PPFIA2: variants seen among roughly 807,000 people sequenced by gnomAD.
PPFIA2 encodes the protein liprin-alpha-2.
PPFIA2 carries 46 observed loss-of-function variants against 175.5 expected under a neutral mutation model. The ratio of observed to expected loss-of-function variants is 0.26; its 90% CI spans 0.21 to 0.34. PPFIA2 has a LOEUF of 0.34. Ranked by LOEUF, PPFIA2 falls within the 10% of genes least tolerant of loss-of-function variation. The probability of loss-of-function intolerance (pLI) is 1.00; values close to 1 mark genes in which losing one functional copy is unlikely to be tolerated. For synonymous variants in PPFIA2, 568 were observed against 511.4 expected (o/e 1.11, Z -1.49); for missense variants, 1,179 against 1,506.1 (o/e 0.78, Z 3.60).
intron 3 of PPFIA2, among the ~76,000 whole-genome samples, chr12:81,728,235 G>C (rs745697221): frequency 1.3e-5 from 2 of 151,326 alleles, no homozygotes; most frequent in African/African-American, 4.8e-5. Flanking sequence ...TCTCCACCAA[G>C]TCCAAGAGCA....
At chr12:81,451,219 T>C (rs2145554064) in intron 5 of PPFIA2, among the ~76,000 whole-genome samples, 1 of 152,236 alleles carries the variant, frequency 6.6e-6, no homozygotes, top group Non-Finnish European at 1.5e-5. Flanking sequence ...CTGTTTTCTG[T>C]ACCCTGTTAC....
chr12:81,428,567 A>G (rs1046479752), intron 7 of PPFIA2, among the ~76,000 whole-genome samples: 8 of 152,030 alleles, frequency 5.3e-5, no homozygotes, highest in African/African-American at 1.9e-4. Flanking sequence ...GACAATTTAC[A>G]GTTTATTCAT....
chr12:81,454,802 T>G (rs968598790), intron 5 of PPFIA2, among the ~76,000 whole-genome samples: 21 of 152,100 alleles, frequency 1.4e-4, no homozygotes, highest in Admixed American at 6.6e-5. Flanking sequence ...CTTTGGAAAT[T>G]GGAATGCTCA....
rs1319509959 is a variant in PPFIA2 at position 81,384,094 on chromosome 12, C to A, written c.913G>T (p.Ala305Ser). Reference protein sequence around the residue: ...SSRVGEVEQEAETARKDLIKT... With the variant: ...SSRVGEVEQESETARKDLIKT... Reference sequence around the variant, plus strand: ...ATGAGATCCTTTCTTGCTGTCTCTGCTTCCTGTTCCACCTCTCCCACTCGG... The same window carrying A: ...ATGAGATCCTTTCTTGCTGTCTCTGATTCCTGTTCCACCTCTCCCACTCGG... The change falls in exon 9 of 33, where the codon GCA becomes TCA. Residue 305 changes from alanine to serine, a missense_variant. By Grantham distance (99) the Ala-to-Ser change is moderately conservative. This residue lies in a region of PPFIA2 where 226 missense variants were observed against 216.6 expected (regional missense o/e 1.04). Coordinates refer to ENST00000549396, the MANE Select transcript of PPFIA2 (RefSeq NM_003625.5). 1 of 1,613,326 alleles carries A rather than the reference C, an allele frequency of 6.2e-7. No individual in the cohort carries two copies. The highest frequency in any genetic ancestry group is 1.7e-4 in the Middle Eastern group (1 of 6,058).
chr12:81,502,799 T>C (rs1057391054), intron 4 of PPFIA2, among the ~76,000 whole-genome samples: 1 of 152,176 alleles, frequency 6.6e-6, no homozygotes, highest in African/African-American at 2.4e-5. Flanking sequence ...TCTTTCCTTT[T>C]ATCCTCACTC....
chr12:81,619,934 C>A (rs917697206), intron 4 of PPFIA2, among the ~76,000 whole-genome samples: 3 of 151,804 alleles, frequency 2.0e-5, no homozygotes, highest in African/African-American at 7.3e-5. Flanking sequence ...CCGAGGCGGG[C>A]GGATCACGAG....
In PPFIA2 at chr12:81,372,936, C is replaced by T. The variant is rs185717584; in HGVS notation, c.1266+1698G>A. On this transcript the variant is annotated intron_variant, in intron 11 of 32. Coordinates refer to ENST00000549396, the MANE Select transcript of PPFIA2 (RefSeq NM_003625.5). Reference sequence around the variant, plus strand: ...TTTTTGTGCCCAAGGTAATATTGTGCCCAAGATATATATATATCAACTTAA... The same window carrying T: ...TTTTTGTGCCCAAGGTAATATTGTGTCCAAGATATATATATATCAACTTAA... 3.2e-3 allele frequency among the ~76,000 whole-genome samples: 487 copies of T among 151,144 alleles called. 3 individuals carry two copies. The highest frequency in any genetic ancestry group is 0.011 in the African/African-American group (459 of 41,270).
intron 4 of PPFIA2, among the ~76,000 whole-genome samples, chr12:81,479,910 CTT>C (rs2057992916): frequency 6.6e-6 from 1 of 152,046 alleles, no homozygotes; most frequent in Admixed American, 6.6e-5. Context: ...CGAGGAGTCT[CTT>C]TGTGTTGTTC....
chr12:81,293,755 A>G (rs1305095593), intron 24 of PPFIA2, among the ~76,000 whole-genome samples: 1 of 152,182 alleles, frequency 6.6e-6, no homozygotes, highest in Non-Finnish European at 1.5e-5. Flanking sequence ...AACTAAAAAT[A>G]GAATGAGCAT....
chr12:81,263,420 G>A, intron 30 of PPFIA2, 30 bp from the exon 31 acceptor site: 2 of 1,589,714 alleles, frequency 1.3e-6, no homozygotes, highest in Non-Finnish European at 8.6e-7. Context: ...GTGATGTTAT[G>A]AAAACAAGTA....
chr12:81,565,933 A>G (rs2071187176), intron 4 of PPFIA2, among the ~76,000 whole-genome samples: 1 of 152,204 alleles, frequency 6.6e-6, no homozygotes, highest in Admixed American at 6.5e-5. Flanking sequence ...TACTTGCCAG[A>G]GGCAGACCAG....
chr12:81,593,322 G>A (rs116143561), intron 4 of PPFIA2, among the ~76,000 whole-genome samples: 1 of 152,046 alleles, frequency 6.6e-6, no homozygotes, highest in Admixed American at 6.6e-5. Flanking sequence ...TCATGTATCT[G>A]TTACATATTT....
chr12:81,748,825 T>G (rs370987154), intron 3 of PPFIA2, among the ~76,000 whole-genome samples: 2 of 144,622 alleles, frequency 1.4e-5, no homozygotes, highest in African/African-American at 4.9e-5. Context: ...TTCTTCATGA[T>G]CTGGTCATCA....
chr12:81,298,632 C>G (rs12296639), intron 23 of PPFIA2, among the ~76,000 whole-genome samples: 2,916 of 152,272 alleles, frequency 0.019, 96 homozygotes, highest in African/African-American at 0.067. Context: ...CATGAAACAG[C>G]CCTTCGTAGT....
Position 81,663,567 on chromosome 12 carries a change from T to C in PPFIA2, c.303+13224A>G, listed in dbSNP as rs552719201. Among the ~76,000 whole-genome samples the C allele has an allele frequency of 2.9e-3, 440 of 152,328 alleles. 2 individuals are homozygous for C. Among genetic ancestry groups the C allele is most frequent in the African/African-American group, 1.0e-2 (415 of 41,574 alleles). ...TACAAACAAATGGAAGAACATTCCATGCTCATGGATAGGAAGAATCAATAT... is the reference window on the plus strand; with the variant it reads ...TACAAACAAATGGAAGAACATTCCACGCTCATGGATAGGAAGAATCAATAT... On this transcript the variant is annotated intron_variant, in intron 4 of 32. Transcript: ENST00000549396.
At chr12:81,341,297 C>A in intron 19 of PPFIA2, 89 bp from the exon 20 acceptor site, 3 of 1,290,126 alleles carry the variant, frequency 2.3e-6, no homozygotes, top group South Asian at 3.3e-5. Context: ...ACAAGGCTGT[C>A]GAGTAATTTT....
At chr12:81,752,984 G>T (rs1323305051) in intron 3 of PPFIA2, among the ~76,000 whole-genome samples, 3 of 151,102 alleles carry the variant, frequency 2.0e-5, no homozygotes, top group East Asian at 1.9e-4. Context: ...TCCCAGGCTG[G>T]AGTGCAGTGG....
intron 4 of PPFIA2, among the ~76,000 whole-genome samples, chr12:81,509,511 C>T (rs1158608348): frequency 1.3e-5 from 2 of 152,158 alleles, no homozygotes; most frequent in East Asian, 3.9e-4. Context: ...GGCCTTGGTG[C>T]CCTTGAAATC....
chr12:81,324,473 A>C (rs745827975), intron 22 of PPFIA2, among the ~76,000 whole-genome samples: 1 of 152,014 alleles, frequency 6.6e-6, no homozygotes, highest in Non-Finnish European at 1.5e-5. Context: ...AGGGAAATAA[A>C]CTGAGTCCAT....
Sources: gnomAD v4.1 joint callset for allele counts (sites outside exome capture counted in the v4.1 genomes callset) on GRCh38, gnomAD v4.1.1 for gene constraint, gnomAD v4.1.1 regional missense constraint, MANE v1.5 for transcripts, NCBI Gene and HGNC (gene_info 2026-07-23, HGNC 2026-07-21) for gene names.